The following PDE1A variants were observed in gnomAD, a reference collection of about 807,000 sequenced individuals.
PDE1A encodes the protein phosphodiesterase 1A.
Under a neutral mutation model 61.7 loss-of-function variants are expected in PDE1A, and 35 were observed. The observed-to-expected ratio is 0.57, with a 90% CI of 0.43 to 0.75. PDE1A has a LOEUF of 0.75. Among genes scored for constraint, PDE1A ranks in the 30% least tolerant of loss-of-function variants. PDE1A has a pLI of 0.00. For synonymous variants in PDE1A, 232 were observed against 213.2 expected, an observed-to-expected ratio of 1.09 and a Z score of -0.77; for missense variants, 597 against 630.6, an observed-to-expected ratio of 0.95 and a Z score of 0.57.
chr2:182,186,109 A>C, intron 12 of PDE1A, 30 bp from the exon 13 acceptor site: 6 of 1,607,562 alleles, frequency 3.7e-6, no homozygotes, highest in Non-Finnish European at 5.1e-6. Flanking sequence ...AAACCAAAAA[A>C]CACCATCAGG....
the PDE1A span, among the ~76,000 whole-genome samples, chr2:182,590,781 T>C: frequency 1.3e-5 from 2 of 152,220 alleles, no homozygotes. Context: ...ATATATCTGT[T>C]ACGTAAAATT....
the PDE1A span, among the ~76,000 whole-genome samples, chr2:182,697,458 A>T: frequency 6.6e-6 from 1 of 152,218 alleles, no homozygotes; most frequent in Non-Finnish European, 1.5e-5. Context: ...AGTTTCCATG[A>T]GGACACTGCT....
chr2:182,487,017 C>A (rs557229220), intron 2 of PDE1A, among the ~76,000 whole-genome samples: 1 of 152,078 alleles, frequency 6.6e-6, no homozygotes, highest in Non-Finnish European at 1.5e-5. Context: ...TGTAAATCAT[C>A]TATTGGACAA....
intron 1 of PDE1A, among the ~76,000 whole-genome samples, chr2:182,415,765 CT>C (rs2125548432): frequency 6.6e-6 from 1 of 152,174 alleles, no homozygotes. Context: ...ATATAATTTA[CT>C]TATCTCAACT....
chr2:182,381,365 A>G (rs1559398258), intron 1 of PDE1A, among the ~76,000 whole-genome samples: 1 of 152,190 alleles, frequency 6.6e-6, no homozygotes, highest in Non-Finnish European at 1.5e-5. Flanking sequence ...ATATCTAATT[A>G]GGCCAAAATG....
chr2:182,303,851 C>T (rs1559315886), intron 1 of PDE1A, among the ~76,000 whole-genome samples: 2 of 152,134 alleles, frequency 1.3e-5, no homozygotes. Flanking sequence ...GTATTTGCTG[C>T]TTCATCTTGC....
chr2:182,424,583 C>A (rs988884100), intron 1 of PDE1A, among the ~76,000 whole-genome samples: 3 of 152,140 alleles, frequency 2.0e-5, no homozygotes, highest in African/African-American at 7.2e-5. Context: ...CGAAGTGAGG[C>A]ATGAGATAAG....
chr2:182,591,611 C>T, the PDE1A span, among the ~76,000 whole-genome samples: 2 of 152,076 alleles, frequency 1.3e-5, no homozygotes, highest in African/African-American at 4.8e-5. Context: ...AGATTTTATA[C>T]ATTGTAGGGT....
chr2:182,575,772 A>G, the PDE1A span, among the ~76,000 whole-genome samples: 1,475 of 146,374 alleles, frequency 0.01, 10 homozygotes, highest in Middle Eastern at 0.033. Flanking sequence ...AATATATTAT[A>G]TATTATAATT....
the PDE1A span, among the ~76,000 whole-genome samples, chr2:182,610,987 G>T: frequency 1.3e-5 from 2 of 152,114 alleles, no homozygotes; most frequent in Non-Finnish European, 2.9e-5. Context: ...ATGTCCAGAG[G>T]TTCTGCTTTT....
the PDE1A span, among the ~76,000 whole-genome samples, chr2:182,713,203 T>G: frequency 0.099 from 15,122 of 152,196 alleles, 1,016 homozygotes; most frequent in Non-Finnish European, 0.15. Context: ...GCCCCTAGAG[T>G]AGCTCACAAC....
At position 182,366,694 on chromosome 2, in the gene PDE1A, G is replaced by A. The variant is rs1172950584; in HGVS notation, c.53+59884C>T. On this transcript the variant is annotated intron_variant, in intron 1 of 13. Transcript: ENST00000351439. The stretch of plus-strand genomic sequence containing the variant: ...TGTAAAGCTTTATTTTGGGACATTA[G>A]CTTTCCCTTTAATAGAACATCATTT... 2.6e-5 allele frequency among the ~76,000 whole-genome samples: 4 copies of A among 152,120 alleles called. No homozygotes were observed. The East Asian group carries it at 7.7e-4, about 29-fold the overall frequency.
intron 1 of PDE1A, among the ~76,000 whole-genome samples, chr2:182,321,020 G>T (rs1696660511): frequency 6.6e-6 from 1 of 152,000 alleles, no homozygotes; most frequent in African/African-American, 2.4e-5. Context: ...TCATGCAATA[G>T]GTTCTAATAA....
chr2:182,161,176 TA>T (rs1207546324), intron 13 of PDE1A, among the ~76,000 whole-genome samples: 1 of 152,118 alleles, frequency 6.6e-6, no homozygotes, highest in East Asian at 1.9e-4. Context: ...ATACATACCC[TA>T]AAAATTTCTA....
chr2:182,218,785 A>C (rs1412974387), intron 7 of PDE1A, among the ~76,000 whole-genome samples: 1 of 152,108 alleles, frequency 6.6e-6, no homozygotes, highest in Non-Finnish European at 1.5e-5. Context: ...ATGAATGTTG[A>C]GCCAGACTTG....
the PDE1A span, among the ~76,000 whole-genome samples, chr2:182,587,558 G>C: frequency 6.6e-6 from 1 of 152,146 alleles, no homozygotes; most frequent in African/African-American, 2.4e-5. Context: ...ACTAAGTGGG[G>C]TACCAACTTT....
chr2:182,141,261 A>C (rs188985076), exon 15 of PDE1A: 1 of 152,206 alleles, frequency 6.6e-6, no homozygotes, highest in African/African-American at 2.4e-5. Context: ...TTTTAAATGC[A>C]TGATATTTTC....
intron 1 of PDE1A, among the ~76,000 whole-genome samples, chr2:182,375,135 T>C (rs1700324684): frequency 6.6e-6 from 1 of 152,164 alleles, no homozygotes; most frequent in South Asian, 2.1e-4. Context: ...GGTGGGGACA[T>C]AGAGCCAAAC....
intron 1 of PDE1A, among the ~76,000 whole-genome samples, chr2:182,264,889 ATATG>A (rs1339603155): frequency 1.0e-4 from 14 of 140,274 alleles, no homozygotes; most frequent in South Asian, 4.7e-4. Flanking sequence ...ATATATATAT[ATATG>A]TATATATATA....
Sources: allele counts gnomAD v4.1 joint callset (sites outside exome capture counted in the v4.1 genomes callset), GRCh38; gene constraint gnomAD v4.1.1; transcripts MANE v1.5; gene names NCBI Gene and HGNC (gene_info 2026-07-23, HGNC 2026-07-21).